Variants in ANKRD66 observed in about 807,000 individuals in gnomAD.
The protein encoded by ANKRD66 is ankyrin repeat domain-containing protein 66.
Under a neutral mutation model 10.9 loss-of-function variants are expected in ANKRD66, and 10 were observed. The ratio of observed to expected loss-of-function variants is 0.91; its 90% CI spans 0.56 to 1.55. ANKRD66 has a LOEUF of 1.55. Ranked by LOEUF, ANKRD66 falls within the 40% of genes most tolerant of loss-of-function variation. The probability of loss-of-function intolerance (pLI) is 0.00; values close to 1 mark genes in which losing one functional copy is unlikely to be tolerated. For missense variants in ANKRD66, 252 were observed against 242.9 expected, an observed-to-expected ratio of 1.04 and a Z score of -0.25; for synonymous variants, 85 against 88.4, an observed-to-expected ratio of 0.96 and a Z score of 0.22.
rs1766430060 is a variant in ANKRD66, at chr6:46,758,847, C to T, written c.517C>T (p.Gln173Ter). ...GGAGCTGTCTCTTCCTTCCCTAAAT[C>T]AAAACATGAATAAAAAGAATAAGAA... Reference protein sequence around the residue: ...ELELSLPSLNQNMNKKNKKSR... With the variant: ...ELELSLPSLN Residue 173 changes from glutamine (Q) to a stop codon, truncating the protein, a stop_gained, in exon 5 of 5, where the codon CAA becomes TAA. Coordinates refer to ENST00000565422, the MANE Select transcript of ANKRD66 (RefSeq NM_001162435.3). LOFTEE classifies it low-confidence loss of function (END_TRUNC). 8 of 1,551,340 alleles carry T rather than the reference C, an allele frequency of 5.2e-6. No homozygotes were observed. Among genetic ancestry groups the T allele is most frequent in the Non-Finnish European group, 5.2e-6 (6 of 1,146,890 alleles).
At chr6:46,757,113 A>C (rs931438406) in intron 4 of ANKRD66, 2 of 152,196 alleles carry the variant, frequency 1.3e-5, no homozygotes, top group African/African-American at 4.8e-5. Context: ...AAAACAATAA[A>C]GGTCAGTCAC....
At chr6:46,753,989 G>T in intron 4 of ANKRD66, 39 bp downstream of exon 4, 1 of 1,499,496 alleles carries the variant, frequency 6.7e-7, no homozygotes, top group Non-Finnish European at 9.0e-7. Flanking sequence ...AGGAGCAGAG[G>T]AACAGGAGTC....
chr6:46,750,500 T>C (rs948852198), intron 2 of ANKRD66, among the ~76,000 whole-genome samples: 1 of 151,830 alleles, frequency 6.6e-6, no homozygotes, highest in African/African-American at 2.4e-5. Flanking sequence ...TGTATCTGCT[T>C]CTGCATTCAG....
intron 3 of ANKRD66, 91 bp from the exon 4 acceptor site, chr6:46,753,631 T>C: frequency 7.8e-7 from 1 of 1,274,706 alleles, no homozygotes; most frequent in East Asian, 2.6e-5. Context: ...AAGTTTCCCC[T>C]TCTATTGTGT....
At chr6:46,754,322 TC>T (rs1413835721) in intron 4 of ANKRD66, among the ~76,000 whole-genome samples, 1 of 152,188 alleles carries the variant, frequency 6.6e-6, no homozygotes, top group Non-Finnish European at 1.5e-5. Flanking sequence ...CCCTCAGTTT[TC>T]TCATATTTAA....
chr6:46,750,865 C>T (rs941994650), intron 2 of ANKRD66, among the ~76,000 whole-genome samples: 3 of 151,828 alleles, frequency 2.0e-5, no homozygotes, highest in Admixed American at 6.6e-5. Context: ...TATCAATGCA[C>T]TTTCTATATG....
chr6:46,758,783 T>G lies in ANKRD66; in HGVS notation c.453T>G (p.Asp151Glu). 1 of 1,551,312 alleles carries G rather than the reference T, an allele frequency of 6.4e-7. No homozygotes were observed. Among genetic ancestry groups the G allele is most frequent in the Non-Finnish European group, 8.7e-7 (1 of 1,146,854 alleles). ...CAAQQKGLPL[D>E]ERDEDWDAKK... is the part of the protein sequence containing the mutation. ...CCCAGCAGAAGGGGCTGCCTCTGGATGAGCGTGATGAAGACTGGGATGCCA... is the reference window on the plus strand; with the variant it reads ...CCCAGCAGAAGGGGCTGCCTCTGGAGGAGCGTGATGAAGACTGGGATGCCA... The change falls in exon 5 of 5, where the codon GAT becomes GAG. Residue 151 changes from aspartate to glutamate, a missense_variant. Physicochemically the swap from Asp to Glu is conservative, Grantham distance 45. Transcript: ENST00000565422.
intron 2 of ANKRD66, among the ~76,000 whole-genome samples, chr6:46,751,290 C>T (rs563800696): frequency 1.1e-4 from 17 of 152,258 alleles, no homozygotes; most frequent in Non-Finnish European, 2.5e-4. Flanking sequence ...ATGAAAACAG[C>T]TTTGACTTCA....
At chr6:46,750,024 C>T (rs1766233891) in intron 2 of ANKRD66, 45 bp downstream of exon 2, 9 of 1,018,410 alleles carry the variant, frequency 8.8e-6, no homozygotes, top group East Asian at 2.6e-5. Flanking sequence ...CTAACAAGTT[C>T]CCAGGGGCTG....
intron 1 of ANKRD66, among the ~76,000 whole-genome samples, chr6:46,749,240 G>A (rs562268723): frequency 6.6e-6 from 1 of 152,318 alleles, no homozygotes; most frequent in South Asian, 2.1e-4. Flanking sequence ...TGGAATCTCA[G>A]TATGGGAGTT....
At chr6:46,758,659 C>T (rs1766425149) in intron 4 of ANKRD66, 64 bp from the exon 5 acceptor site, 1 of 1,438,274 alleles carries the variant, frequency 7.0e-7, no homozygotes, top group East Asian at 2.5e-5. Flanking sequence ...TGAATAAAGG[C>T]CGATTCCCAG....
chr6:46,758,578 TA>T, intron 4 of ANKRD66, 144 bp from the exon 5 acceptor site: 1 of 714,190 alleles, frequency 1.4e-6, no homozygotes, highest in Non-Finnish European at 2.1e-6. Flanking sequence ...AGACCTTCCC[TA>T]AGTGTATGCT....
At position 46,753,773 on chromosome 6, in the gene ANKRD66, T is replaced by C. The variant is rs1766316305; in HGVS notation, c.215T>C (p.Leu72Pro). Residue 72 changes from leucine (L) to proline (P), a missense_variant, in exon 4 of 5, where the codon CTG becomes CCG. Coordinates refer to ENST00000565422, the MANE Select transcript of ANKRD66 (RefSeq NM_001162435.3). ...LLIEYGARPC[L>P]VTSVGWTPAH... is the part of the protein sequence containing the mutation. The stretch of plus-strand genomic sequence containing the variant: ...ATAGAATATGGAGCCAGGCCCTGCC[T>C]GGTTACTAGTGTGGGCTGGACCCCA... The C allele has an allele frequency of 2.6e-6, 4 of 1,551,636 alleles. No homozygotes were observed. Among genetic ancestry groups the C allele is most frequent in the Non-Finnish European group, 3.5e-6 (4 of 1,146,976 alleles).
chr6:46,754,005 T>A, intron 4 of ANKRD66, 55 bp downstream of exon 4: 1 of 1,446,030 alleles, frequency 6.9e-7, no homozygotes, highest in East Asian at 2.5e-5. Flanking sequence ...GAGTCTGTGA[T>A]CAAGATCTTG....
At position 46,759,135 on chromosome 6, in the gene ANKRD66, G is replaced by A; in HGVS notation, c.*214G>A. On this transcript the variant is annotated 3_prime_UTR_variant, in exon 5 of 5. Coordinates refer to ENST00000565422, the MANE Select transcript of ANKRD66 (RefSeq NM_001162435.3). ...TACCGGGAAAGGACAAAACCTGCTT[G>A]CATTTTGTCATCAGTGGTTTGCACA... 2.5e-6 allele frequency: 1 copy of A among 395,978 alleles called. No homozygotes were observed. The allele number at this position is 395,978 out of a possible 1,614,324, so 24.5% of individuals were successfully genotyped here. A position where few individuals can be genotyped will look rare whatever the true frequency, so the allele number is the denominator to read the frequency against.
In ANKRD66 at chr6:46,753,861, T is replaced by A. The variant is rs983736847; in HGVS notation, c.303T>A (p.Ala101=). Residue 101 remains alanine, a synonymous_variant, in exon 4 of 5, where the codon GCT becomes GCA. Transcript: ENST00000565422. Reference sequence around the variant, plus strand: ...TCAAAACTCTCCATGCATTGCACGCTGCCATCGACGCCCCTGACTTCTTTG... The same window carrying A: ...TCAAAACTCTCCATGCATTGCACGCAGCCATCGACGCCCCTGACTTCTTTG... ...NILKTLHALH[A]AIDAPDFFGD... The A allele has an allele frequency of 6.4e-7, 1 of 1,551,594 alleles. No homozygotes were observed. The highest frequency in any genetic ancestry group is 1.4e-5 in the African/African-American group (1 of 73,046).
At chr6:46,755,522 G>A (rs551173061) in intron 4 of ANKRD66, among the ~76,000 whole-genome samples, 11 of 152,226 alleles carry the variant, frequency 7.2e-5, no homozygotes, top group South Asian at 4.1e-4. Flanking sequence ...CCTTCTTGCC[G>A]TCCTGTCCCT....
At position 46,759,123 on chromosome 6, in the gene ANKRD66, C is replaced by G; in HGVS notation, c.*202C>G. The G allele has an allele frequency of 2.4e-6, 1 of 418,762 alleles. No individual in the cohort carries two copies. Among genetic ancestry groups the G allele is most frequent in the Non-Finnish European group, 4.2e-6 (1 of 240,468 alleles). 25.9% of individuals were successfully genotyped at this position (418,762 alleles called of 1,614,324 possible). ...GTGTACAATAATTACCGGGAAAGGA[C>G]AAAACCTGCTTGCATTTTGTCATCA... On this transcript the variant is annotated 3_prime_UTR_variant, in exon 5 of 5. Transcript: ENST00000565422.
intron 4 of ANKRD66, chr6:46,756,115 G>T (rs570638098): frequency 4.5e-6 from 2 of 442,230 alleles, no homozygotes; most frequent in East Asian, 7.3e-5. Flanking sequence ...ATCAAGAAAC[G>T]CCTGACTTCT....
Sources: allele counts gnomAD v4.1 joint callset (sites outside exome capture counted in the v4.1 genomes callset), GRCh38; gene constraint gnomAD v4.1.1; transcripts MANE v1.5; gene names NCBI Gene and HGNC (gene_info 2026-07-23, HGNC 2026-07-21).